The following RBFOX1 variants were observed in gnomAD, a reference collection of about 807,000 sequenced individuals.
RBFOX1 encodes RNA binding fox-1 homolog 1.
RBFOX1 carries 8 observed loss-of-function variants against 57.7 expected under a neutral mutation model. The ratio of observed to expected loss-of-function variants is 0.14; its 90% CI spans 0.08 to 0.25. The LOEUF is 0.25. Among genes scored for constraint, RBFOX1 ranks in the 10% least tolerant of loss-of-function variants. RBFOX1 has a pLI of 1.00. For synonymous variants in RBFOX1, 326 were observed against 222.4 expected, an observed-to-expected ratio of 1.47 and a Z score of -4.15; for missense variants, 611 against 548.5, an observed-to-expected ratio of 1.11 and a Z score of -1.14.
intron 1 of RBFOX1, among the ~76,000 whole-genome samples, chr16:5,359,672 C>T (rs1358489): frequency 0.53 from 80,046 of 151,972 alleles, 21,410 homozygotes; most frequent in East Asian, 0.67. Flanking sequence ...TTAGACTTTT[C>T]CTATTGAGTC....
At chr16:6,428,669 C>G (rs952307665) in intron 2 of RBFOX1, among the ~76,000 whole-genome samples, 2 of 152,142 alleles carry the variant, frequency 1.3e-5, no homozygotes, top group Non-Finnish European at 2.9e-5. Context: ...TTACTATTAT[C>G]TAAAAGCAGC....
At chr16:5,872,483 C>T (rs764103265) in intron 4 of RBFOX1, among the ~76,000 whole-genome samples, 2 of 152,128 alleles carry the variant, frequency 1.3e-5, no homozygotes, top group Non-Finnish European at 2.9e-5. Context: ...GTAGTCCTAG[C>T]ATTTTGGAGG....
chr16:6,317,926 A>G (rs1337571033), intron 2 of RBFOX1, among the ~76,000 whole-genome samples: 1 of 152,188 alleles, frequency 6.6e-6, no homozygotes. Flanking sequence ...ATTTCTTAGC[A>G]GGTTCTACTT....
intron 1 of RBFOX1, among the ~76,000 whole-genome samples, chr16:6,243,072 C>T (rs2097548583): frequency 6.6e-6 from 1 of 151,726 alleles, no homozygotes; most frequent in East Asian, 1.9e-4. Flanking sequence ...GTAAATATTC[C>T]CACTCATGTA....
At chr16:7,355,922 C>T (rs1206949783) in intron 4 of RBFOX1, among the ~76,000 whole-genome samples, 1 of 152,146 alleles carries the variant, frequency 6.6e-6, no homozygotes, top group Non-Finnish European at 1.5e-5. Context: ...CTGCCGGAGG[C>T]AAAATGAGGT....
intron 3 of RBFOX1, among the ~76,000 whole-genome samples, chr16:6,824,783 G>C (rs2091883727): frequency 6.6e-6 from 1 of 151,718 alleles, no homozygotes; most frequent in Admixed American, 6.6e-5. Flanking sequence ...CATTTAAAAG[G>C]AATTAAATAT....
intron 12 of RBFOX1, among the ~76,000 whole-genome samples, chr16:7,658,063 G>A (rs151003636): frequency 8.5e-4 from 129 of 152,288 alleles, no homozygotes; most frequent in African/African-American, 3.1e-3. Context: ...AGAGTCGATA[G>A]AGGGTGAAGC....
intron 3 of RBFOX1, among the ~76,000 whole-genome samples, chr16:5,704,744 A>G (rs1177007998): frequency 6.6e-6 from 1 of 152,114 alleles, no homozygotes; most frequent in Non-Finnish European, 1.5e-5. Context: ...CCTCAACTCC[A>G]TCCTCAGCTT....
intron 3 of RBFOX1, among the ~76,000 whole-genome samples, chr16:7,028,540 T>C (rs2041660078): frequency 1.5e-5 from 2 of 131,474 alleles, no homozygotes; most frequent in African/African-American, 5.8e-5. Context: ...TGAGCTGAGG[T>C]TGAAGCATTG....
intron 2 of RBFOX1, among the ~76,000 whole-genome samples, chr16:5,592,674 C>A (rs2047049195): frequency 6.6e-6 from 1 of 152,162 alleles, no homozygotes; most frequent in South Asian, 2.1e-4. Context: ...TTGGACCATG[C>A]ATTAAGGAGT....
intron 2 of RBFOX1, among the ~76,000 whole-genome samples, chr16:6,422,545 A>G (rs1317910036): frequency 6.6e-6 from 1 of 152,178 alleles, no homozygotes; most frequent in Admixed American, 6.5e-5. Flanking sequence ...ATGGTTCTGC[A>G]GGCTGTACAG....
chr16:6,367,383 G>A (rs969579590), intron 2 of RBFOX1, among the ~76,000 whole-genome samples: 4 of 152,140 alleles, frequency 2.6e-5, no homozygotes, highest in Non-Finnish European at 5.9e-5. Flanking sequence ...TGATTCCCCT[G>A]CCTCAGCCTC....
At chr16:5,441,295 G>T (rs991209027) in intron 1 of RBFOX1, among the ~76,000 whole-genome samples, 5 of 151,018 alleles carry the variant, frequency 3.3e-5, no homozygotes, top group African/African-American at 9.7e-5. Flanking sequence ...AGTGGTCAGT[G>T]TATTAGTCTG....
chr16:6,574,380 G>C (rs1343268420), intron 2 of RBFOX1, among the ~76,000 whole-genome samples: 1 of 151,852 alleles, frequency 6.6e-6, no homozygotes, highest in East Asian at 2.0e-4. Flanking sequence ...GCTGTGAGGA[G>C]GGGGCGGAAC....
intron 4 of RBFOX1, among the ~76,000 whole-genome samples, chr16:7,331,910 C>G (rs988458309): frequency 6.6e-6 from 1 of 152,046 alleles, no homozygotes; most frequent in Non-Finnish European, 1.5e-5. Flanking sequence ...TTTCAAACAC[C>G]AGAAAGATTT....
intron 14 of RBFOX1, among the ~76,000 whole-genome samples, chr16:7,685,963 C>A (rs542981500): frequency 6.6e-6 from 1 of 152,050 alleles, no homozygotes; most frequent in African/African-American, 2.4e-5. Context: ...AGGTTACTTA[C>A]TACACGAGAT....
intron 3 of RBFOX1, among the ~76,000 whole-genome samples, chr16:6,866,940 C>T (rs1259335706): frequency 1.3e-5 from 2 of 149,904 alleles, no homozygotes; most frequent in Non-Finnish European, 3.0e-5. Context: ...TCCTTAGCTT[C>T]ATGACAATAT....
intron 2 of RBFOX1, among the ~76,000 whole-genome samples, chr16:6,417,609 T>G (rs558295475): frequency 7.0e-6 from 1 of 141,908 alleles, no homozygotes; most frequent in Non-Finnish European, 1.5e-5. Context: ...AGGCTGGTCT[T>G]GAACTCCTGA....
At chr16:7,146,717 G>A (rs964404095) in intron 4 of RBFOX1, among the ~76,000 whole-genome samples, 1 of 151,900 alleles carries the variant, frequency 6.6e-6, no homozygotes, top group African/African-American at 2.4e-5. Flanking sequence ...GCGAGGCTGA[G>A]GCAGACAGAT....
Sources: allele counts gnomAD v4.1 joint callset (sites outside exome capture counted in the v4.1 genomes callset), GRCh38; gene constraint gnomAD v4.1.1; transcripts MANE v1.5; gene names NCBI Gene and HGNC (gene_info 2026-07-23, HGNC 2026-07-21).